Variants in AGAP1 observed in about 807,000 individuals in gnomAD.
AGAP1 encodes the protein ArfGAP with GTPase domain, ankyrin repeat and PH domain 1, also known as arf-GAP with GTPase, ANK repeat and PH domain-containing protein 1.
AGAP1 carries 29 observed loss-of-function variants against 105.3 expected under a neutral mutation model. That is an observed-to-expected ratio of 0.28 (90% CI 0.21 to 0.38). The LOEUF (loss-of-function observed/expected upper bound fraction) is 0.38. AGAP1 is among the 10% of genes least tolerant of loss of function. The pLI is 1.00. For synonymous variants in AGAP1, 509 were observed against 485.9 expected (o/e 1.05, Z -0.63); for missense variants, 998 against 1,165.1 (o/e 0.86, Z 2.09).
At chr2:235,939,801 G>T (rs1005956438) in intron 12 of AGAP1, among the ~76,000 whole-genome samples, 4 of 152,070 alleles carry the variant, frequency 2.6e-5, no homozygotes, top group Admixed American at 6.5e-5. Flanking sequence ...CTCTCTGGCT[G>T]CCCCCTGTGT....
At chr2:235,786,956 C>G (rs1177536319) in intron 6 of AGAP1, among the ~76,000 whole-genome samples, 5 of 152,218 alleles carry the variant, frequency 3.3e-5, no homozygotes, top group Non-Finnish European at 7.3e-5. Context: ...ACACCTTTTC[C>G]CAGCATATGC....
rs923113326 is a variant in AGAP1, at chr2:235,732,608, C to T, written c.311-8355C>T. On this transcript the variant is annotated intron_variant, in intron 3 of 17. Transcript: ENST00000304032. This position sits in a 1 kb window ranked among gnomAD's most constrained non-coding sequence, Gnocchi z 4.8. ...CTCCTTCCTCTCCCCAAGCCTCTCC[C>T]GCCTTCCCATTTTCCCTGCTGGGGA... 9.9e-5 allele frequency among the ~76,000 whole-genome samples: 15 copies of T among 152,182 alleles called. No individual in the cohort carries two copies. The highest frequency in any genetic ancestry group is 1.9e-4 in the East Asian group (1 of 5,188).
intron 16 of AGAP1, among the ~76,000 whole-genome samples, chr2:236,075,454 G>A (rs1266792613): frequency 5.3e-5 from 8 of 152,108 alleles, no homozygotes; most frequent in East Asian, 3.9e-4. Context: ...AAGGGTCCCC[G>A]CTGCTGCCCC....
chr2:235,618,460 T>A (rs1007414498), intron 1 of AGAP1, among the ~76,000 whole-genome samples: 15 of 152,176 alleles, frequency 9.9e-5, no homozygotes, highest in Non-Finnish European at 5.9e-5. Context: ...GTCTGGTCTT[T>A]CTTAGTTTTT....
At position 235,893,265 on chromosome 2, in the gene AGAP1, A is replaced by T. The variant is rs2050634316; in HGVS notation, c.1155+9816A>T. Among the ~76,000 whole-genome samples the T allele has an allele frequency of 6.9e-6, 1 of 144,068 alleles. No homozygotes were observed. Among genetic ancestry groups the T allele is most frequent in the Admixed American group, 6.9e-5 (1 of 14,590 alleles). 94.5% of individuals were successfully genotyped at this position (144,068 alleles called of 152,430 possible). A position where few individuals can be genotyped will look rare whatever the true frequency, so the allele number is the denominator to read the frequency against. On this transcript the variant is annotated intron_variant, in intron 10 of 17. Coordinates refer to ENST00000304032, the MANE Select transcript of AGAP1 (RefSeq NM_001037131.3). The surrounding 1 kb of genome is among the most constrained non-coding windows in gnomAD (Gnocchi z 4.7). ...CGGGTGTGCCATGTCCATCATAAGG[A>T]AGCGCCGTGTCTGTAGCGTGGGTGT...
In AGAP1 at chr2:235,615,994, AAAG is replaced by A. The variant is rs1431839821; in HGVS notation, c.164-93179_164-93177del. On this transcript the variant is annotated intron_variant, in intron 1 of 17. Coordinates refer to ENST00000304032, the MANE Select transcript of AGAP1 (RefSeq NM_001037131.3). This position sits in a 1 kb window ranked among gnomAD's most constrained non-coding sequence, Gnocchi z 5.0. The stretch of plus-strand genomic sequence containing the variant: ...AAAGGAAATGGACACAAAATTCATA[AAAG>A]AAGAAACAAAGGAGCAATTAAGATA... Among the ~76,000 whole-genome samples, 22 of 152,204 alleles carry A rather than the reference AAAG, an allele frequency of 1.4e-4. No homozygotes were observed. The highest frequency in any genetic ancestry group is 5.1e-4 in the African/African-American group (21 of 41,450).
rs1472198065 is a variant in AGAP1 at position 235,753,417 on chromosome 2, G to C, written c.673+2929G>C. Reference sequence around the variant, plus strand: ...ATAATACACTCTCATTATGTATTCGGATTTTGGCTGGGCGCAGTGGCTCAG... The same window carrying C: ...ATAATACACTCTCATTATGTATTCGCATTTTGGCTGGGCGCAGTGGCTCAG... On this transcript the variant is annotated intron_variant, in intron 6 of 17. Transcript: ENST00000304032. This position sits in a 1 kb window ranked among gnomAD's most constrained non-coding sequence, Gnocchi z 4.5. Among the ~76,000 whole-genome samples, 1 of 152,060 alleles carries C rather than the reference G, an allele frequency of 6.6e-6. No homozygotes were observed. Among genetic ancestry groups the C allele is most frequent in the Non-Finnish European group, 1.5e-5 (1 of 68,016 alleles).
chr2:235,794,642 T>A (rs1317762109), intron 6 of AGAP1, among the ~76,000 whole-genome samples: 1 of 152,122 alleles, frequency 6.6e-6, no homozygotes, highest in Non-Finnish European at 1.5e-5. Flanking sequence ...CGGCTAATTT[T>A]TGTATTTTTA....
chr2:235,820,620 CTG>C (rs1958737388), intron 9 of AGAP1, among the ~76,000 whole-genome samples: 1 of 152,216 alleles, frequency 6.6e-6, no homozygotes, highest in African/African-American at 2.4e-5. Context: ...GCCACAGCCT[CTG>C]TGATTTCATT....
At chr2:235,649,137 A>ACGGG (rs1947495248) in intron 1 of AGAP1, among the ~76,000 whole-genome samples, 1 of 152,122 alleles carries the variant, frequency 6.6e-6, no homozygotes. Context: ...GCTCTCTGGG[A>ACGGG]CGGGCAGTGG....
In AGAP1 at chr2:235,908,649, T is replaced by C. The variant is rs933045614; in HGVS notation, c.1156-89T>C. On this transcript the variant is annotated intron_variant, in intron 10 of 17. Coordinates refer to ENST00000304032, the MANE Select transcript of AGAP1 (RefSeq NM_001037131.3). The surrounding 1 kb of genome is among the most constrained non-coding windows in gnomAD (Gnocchi z 4.4). ...AGTGGAAGGGTCATAGGGTTTTAAC[T>C]CATGACGTCTGATAGACCCTTTTGT... 2 of 1,279,938 alleles carry C rather than the reference T, an allele frequency of 1.6e-6. No homozygotes were observed. The highest frequency in any genetic ancestry group is 2.2e-6 in the Non-Finnish European group (2 of 927,474). The allele number at this position is 1,279,938 out of a possible 1,614,324, so 79.3% of individuals were successfully genotyped here. A position where few individuals can be genotyped will look rare whatever the true frequency, so the allele number is the denominator to read the frequency against.
At chr2:235,539,380 C>A (rs1220341043) in intron 1 of AGAP1, among the ~76,000 whole-genome samples, 1 of 152,192 alleles carries the variant, frequency 6.6e-6, no homozygotes, top group Non-Finnish European at 1.5e-5. Context: ...GAATCCCACG[C>A]CCATTTTGAG....
At chr2:235,573,049 TTCTTCTTC>T (rs1944610912) in intron 1 of AGAP1, among the ~76,000 whole-genome samples, 1 of 21,504 alleles carries the variant, frequency 4.7e-5, no homozygotes, top group Non-Finnish European at 9.5e-5. Flanking sequence ...CTTCTTCTTC[TTCTTCTTC>T]TTCTTTCTTC....
intron 1 of AGAP1, among the ~76,000 whole-genome samples, chr2:235,579,477 T>C (rs972472474): frequency 6.6e-6 from 1 of 152,130 alleles, no homozygotes; most frequent in African/African-American, 2.4e-5. Context: ...AAGTTAAGCA[T>C]TTAAAAGTGA....
chr2:235,924,640 G>C (rs888193405), intron 11 of AGAP1, among the ~76,000 whole-genome samples: 1 of 152,160 alleles, frequency 6.6e-6, no homozygotes, highest in Admixed American at 6.5e-5. Flanking sequence ...AATAGCAATA[G>C]TGAGAGTATC....
intron 2 of AGAP1, among the ~76,000 whole-genome samples, chr2:235,715,832 G>T (rs976122064): frequency 6.6e-6 from 1 of 152,144 alleles, no homozygotes; most frequent in Non-Finnish European, 1.5e-5. Context: ...CTGACTTCCA[G>T]CCACTGGGAG....
intron 1 of AGAP1, among the ~76,000 whole-genome samples, chr2:235,529,919 C>T (rs966496514): frequency 6.6e-6 from 1 of 152,138 alleles, no homozygotes; most frequent in African/African-American, 2.4e-5. Flanking sequence ...TCAACAACTA[C>T]CTGTCCTCTG....
chr2:235,670,792 C>A, intron 1 of AGAP1: 1 of 1,303,718 alleles, frequency 7.7e-7, no homozygotes. Context: ...GTTGGGAACG[C>A]AGTAAGAGCA....
intron 11 of AGAP1, among the ~76,000 whole-genome samples, chr2:235,923,571 T>A (rs2052295868): frequency 8.0e-6 from 1 of 125,520 alleles, no homozygotes; most frequent in Admixed American, 1.0e-4. Context: ...ACTCCGTAGA[T>A]GGGTTTCGCC....
Sources: allele counts gnomAD v4.1 joint callset (sites outside exome capture counted in the v4.1 genomes callset), GRCh38; gene constraint gnomAD v4.1.1; non-coding constraint Gnocchi (gnomAD v3.1); transcripts MANE v1.5; gene names NCBI Gene and HGNC (gene_info 2026-07-23, HGNC 2026-07-21).